Variants in BRF1 observed in about 807,000 individuals in gnomAD.
BRF1 encodes the protein transcription factor IIIB 90 kDa subunit.
A neutral mutation model predicts 81.7 loss-of-function variants in BRF1; 59 were observed. That is an observed-to-expected ratio of 0.72 (90% confidence interval 0.59 to 0.90). BRF1 has a LOEUF of 0.90. Ranked by LOEUF, BRF1 falls within the 40% of genes least tolerant of loss-of-function variation. The probability of loss-of-function intolerance (pLI) is 0.00; values close to 1 mark genes in which losing one functional copy is unlikely to be tolerated. For missense variants in BRF1, 1,050 were observed against 936.3 expected (o/e 1.12, Z -1.58); for synonymous variants, 491 against 395.6 (o/e 1.24, Z -2.86).
In BRF1 at chr14:105,252,521, T is replaced by C; in HGVS notation, c.530A>G (p.Asn177Ser). ...CAGATGCCTACCTATGGCCGGCGCA[T>C]TGATGCAGAGCTCTCTTGCCAAGAG... The part of the protein sequence containing the change: ...FLLLARELCI[N>S]APAIDPCLYI... The change falls in exon 5 of 18, where the codon AAT becomes AGT. Residue 177 changes from asparagine (N) to serine (S), a missense_variant. Physicochemically the swap from Asn to Ser is conservative, Grantham distance 46. Transcript: ENST00000547530. 6.2e-7 allele frequency: 1 copy of C among 1,613,792 alleles called. No homozygotes were observed. Among genetic ancestry groups the C allele is most frequent in the Non-Finnish European group, 8.5e-7 (1 of 1,179,954 alleles).
At chr14:105,286,868 T>C (rs1354863897) in intron 1 of BRF1, among the ~76,000 whole-genome samples, 4 of 152,232 alleles carry the variant, frequency 2.6e-5, no homozygotes, top group East Asian at 3.9e-4. Context: ...AGAACACAGA[T>C]GTACCTCCAA....
chr14:105,314,562 A>AGCGCGCGCGCACCTCACTTCCG (rs2058469477), intron 1 of BRF1: 1 of 144,930 alleles, frequency 6.9e-6, no homozygotes, highest in Non-Finnish European at 1.5e-5. Context: ...CGCCGGAGGA[A>AGCGCGCGCGCACCTCACTTCCG]GCGCGCGCGC....
intron 6 of BRF1, among the ~76,000 whole-genome samples, chr14:105,229,561 C>G (rs923913764): frequency 1.3e-5 from 2 of 152,242 alleles, no homozygotes; most frequent in Non-Finnish European, 1.5e-5. Flanking sequence ...CCACCAGCAC[C>G]AAGGGCAAAG....
intron 10 of BRF1, among the ~76,000 whole-genome samples, chr14:105,224,827 G>C (rs1300685301): frequency 6.6e-6 from 1 of 152,182 alleles, no homozygotes; most frequent in African/African-American, 2.4e-5. Context: ...TTACAGGCAT[G>C]AACCACCATG....
Position 105,241,299 on chromosome 14 carries a change from G to A in BRF1, c.660C>T (p.His220=). ...LLQRMKRDWM[H]TGRRPSGLCG... ...AGAGGCCCGAGGGGCGCCGGCCTGT[G>A]TGCATCCAGTCCCGCTTCATCCTCT... Residue 220 remains histidine, a synonymous_variant, in exon 6 of 18, where the codon CAC becomes CAT. Coordinates refer to ENST00000547530, the MANE Select transcript of BRF1 (RefSeq NM_001519.4). The A allele has an allele frequency of 6.2e-7, 1 of 1,612,562 alleles. No individual in the cohort carries two copies. The highest frequency in any genetic ancestry group is 8.5e-7 in the Non-Finnish European group (1 of 1,179,908).
At chr14:105,247,633 G>A (rs2055208607) in intron 5 of BRF1, 1 of 985,392 alleles carries the variant, frequency 1.0e-6, no homozygotes, top group Non-Finnish European at 1.2e-6. Flanking sequence ...GGACTGCGGT[G>A]ACAGGTGCAC....
At chr14:105,243,390 T>G (rs2054853130) in intron 5 of BRF1, among the ~76,000 whole-genome samples, 1 of 140,214 alleles carries the variant, frequency 7.1e-6, no homozygotes, top group Admixed American at 7.1e-5. Flanking sequence ...GTGGAGGTTA[T>G]AGTGAGCCAA....
chr14:105,229,633 CAGCTGGG>C (rs1198344977), intron 6 of BRF1, among the ~76,000 whole-genome samples: 2 of 151,078 alleles, frequency 1.3e-5, no homozygotes, highest in African/African-American at 4.9e-5. Flanking sequence ...AACAGTCGCC[CAGCTGGG>C]GGCGGGGGAC....
In BRF1 at chr14:105,284,977, T is replaced by C. The variant is rs1295990277; in HGVS notation, c.265+1319A>G. 2.0e-5 allele frequency among the ~76,000 whole-genome samples: 3 copies of C among 152,214 alleles called. No individual in the cohort carries two copies. The highest frequency in any genetic ancestry group is 4.4e-5 in the Non-Finnish European group (3 of 68,038). On this transcript the variant is annotated intron_variant, in intron 2 of 17. Transcript: ENST00000547530. This position sits in a 1 kb window ranked among gnomAD's most constrained non-coding sequence, Gnocchi z 4.0. Reference sequence around the variant, plus strand: ...TTCGACAAAAGAAGTACAAAACTTATACTCTGAGAACTAATAAAATTGTTG... The same window carrying C: ...TTCGACAAAAGAAGTACAAAACTTACACTCTGAGAACTAATAAAATTGTTG...
rs587686663 is a variant in BRF1, at chr14:105,229,704, G to C, written c.695-791C>G. Among the ~76,000 whole-genome samples the C allele has an allele frequency of 7.5e-5, 10 of 133,138 alleles. No individual in the cohort carries two copies. In the East Asian group the frequency reaches 9.0e-4, roughly 12 times the overall value. 87.3% of individuals were successfully genotyped at this position (133,138 alleles called of 152,430 possible). On this transcript the variant is annotated intron_variant, in intron 6 of 17. Coordinates refer to ENST00000547530, the MANE Select transcript of BRF1 (RefSeq NM_001519.4). ...AGCAACAACCTAGCATCTCAGGAGA[G>C]AGAGGCCACACCACTGTCCGCGTAG... is the stretch of plus-strand genomic sequence containing the variant.
intron 2 of BRF1, 58 bp downstream of exon 2, chr14:105,286,238 C>T (rs1219393211): frequency 1.3e-6 from 2 of 1,541,534 alleles, no homozygotes; most frequent in East Asian, 2.3e-5. Context: ...ACCCTAGCAC[C>T]ACCATCCCCA....
chr14:105,310,533 C>CAAAAAAAAA (rs764203821), intron 1 of BRF1, among the ~76,000 whole-genome samples: 1 of 79,742 alleles, frequency 1.3e-5, no homozygotes, highest in African/African-American at 5.2e-5. Flanking sequence ...GACTCTGTCT[C>CAAAAAAAAA]AAAAAAAAAA....
intron 3 of BRF1, among the ~76,000 whole-genome samples, chr14:105,267,912 G>C (rs938421822): frequency 6.6e-6 from 1 of 151,718 alleles, no homozygotes; most frequent in Non-Finnish European, 1.5e-5. Context: ...GAGGAGCTGG[G>C]TCTGAAGGGA....
intron 4 of BRF1, among the ~76,000 whole-genome samples, chr14:105,253,344 C>G (rs974881915): frequency 1.3e-5 from 2 of 152,222 alleles, no homozygotes. Flanking sequence ...CTGGTCCCTA[C>G]TGGAGCCTGC....
rs1446152638 is a variant in BRF1 at position 105,298,834 on chromosome 14, C to A, written c.184+1612G>T. Among the ~76,000 whole-genome samples, 176 of 121,332 alleles carry A rather than the reference C, an allele frequency of 1.5e-3. No homozygotes were observed. The Middle Eastern group carries it at 0.022, about 15-fold the overall frequency. The allele number at this position is 121,332 out of a possible 152,430, so 79.6% of individuals were successfully genotyped here. A position where few individuals can be genotyped will look rare whatever the true frequency, so the allele number is the denominator to read the frequency against. ...TGTGCCACTGCACTCCAGCCTGGGC[C>A]ACAGAGCAAGATTCTGTCTCAAAAA... On this transcript the variant is annotated intron_variant, in intron 1 of 17. Transcript: ENST00000547530.
At chr14:105,259,996 A>G (rs1387846768) in intron 3 of BRF1, among the ~76,000 whole-genome samples, 1 of 151,974 alleles carries the variant, frequency 6.6e-6, no homozygotes, top group Non-Finnish European at 1.5e-5. Flanking sequence ...ACTGGTCTGT[A>G]GTGGAAGGAA....
At chr14:105,308,525 CG>C (rs1206005762) in intron 1 of BRF1, among the ~76,000 whole-genome samples, 29 of 147,842 alleles carry the variant, frequency 2.0e-4, no homozygotes, top group Admixed American at 1.8e-3. Context: ...CTCTGTCGTC[CG>C]GGCTGGAGTG....
At chr14:105,307,539 C>T (rs587709684) in intron 1 of BRF1, among the ~76,000 whole-genome samples, 11 of 152,122 alleles carry the variant, frequency 7.2e-5, no homozygotes, top group African/African-American at 7.2e-5. Flanking sequence ...CTTTCAAAGG[C>T]GGTTGTCTCT....
At chr14:105,281,770 T>C (rs1216892639) in intron 2 of BRF1, among the ~76,000 whole-genome samples, 1 of 151,852 alleles carries the variant, frequency 6.6e-6, no homozygotes, top group African/African-American at 2.4e-5. Flanking sequence ...AATTCCTTTC[T>C]ATATGATTCC....
Sources: allele counts gnomAD v4.1 joint callset (sites outside exome capture counted in the v4.1 genomes callset), GRCh38; gene constraint gnomAD v4.1.1; non-coding constraint Gnocchi (gnomAD v3.1); transcripts MANE v1.5; gene names NCBI Gene and HGNC (gene_info 2026-07-23, HGNC 2026-07-21).